STK33: variants seen among roughly 807,000 people sequenced by gnomAD.
STK33 encodes the protein serine/threonine-protein kinase 33.
A neutral mutation model predicts 58.0 loss-of-function variants in STK33; 52 were observed. The ratio of observed to expected loss-of-function variants is 0.90; its 90% CI spans 0.72 to 1.13. The LOEUF (loss-of-function observed/expected upper bound fraction) is 1.13. Ranked by LOEUF, STK33 falls within the 50% of genes most tolerant of loss-of-function variation. The probability of loss-of-function intolerance (pLI) is 0.00; values close to 1 mark genes in which losing one functional copy is unlikely to be tolerated. For synonymous variants in STK33, 215 were observed against 200.1 expected, an observed-to-expected ratio of 1.07 and a Z score of -0.63; for missense variants, 630 against 604.2, an observed-to-expected ratio of 1.04 and a Z score of -0.45.
chr11:8,515,951 G>T (rs1952744516), intron 1 of STK33, among the ~76,000 whole-genome samples: 1 of 152,180 alleles, frequency 6.6e-6, no homozygotes, highest in African/African-American at 2.4e-5. Flanking sequence ...TATGTTCATG[G>T]ATTGGAATAA....
chr11:8,560,666 T>C (rs1170699284), intron 1 of STK33, among the ~76,000 whole-genome samples: 1 of 152,196 alleles, frequency 6.6e-6, no homozygotes, highest in Non-Finnish European at 1.5e-5. Flanking sequence ...CTGCCCATGT[T>C]TTTGCCTTAA....
chr11:8,464,964 G>A, intron 6 of STK33, 142 bp from the exon 7 acceptor site: 1 of 499,544 alleles, frequency 2.0e-6, no homozygotes, highest in Non-Finnish European at 3.5e-6. Context: ...CTATATATTT[G>A]CTTCAATATT....
the STK33 span, among the ~76,000 whole-genome samples, chr11:8,339,794 G>A: frequency 6.6e-6 from 1 of 152,216 alleles, no homozygotes; most frequent in Non-Finnish European, 1.5e-5. Context: ...TCCGCCTGGG[G>A]CAGGACACAG....
chr11:8,438,519 G>A (rs1443018581), intron 12 of STK33, among the ~76,000 whole-genome samples: 1 of 152,108 alleles, frequency 6.6e-6, no homozygotes, highest in African/African-American at 2.4e-5. Context: ...ACACCATTGG[G>A]CTCAGACAGA....
intron 11 of STK33, among the ~76,000 whole-genome samples, chr11:8,452,452 G>A (rs1030287616): frequency 6.6e-6 from 1 of 152,056 alleles, no homozygotes. Flanking sequence ...AATTGTTCAA[G>A]CTGTAATCCA....
intron 8 of STK33, among the ~76,000 whole-genome samples, chr11:8,458,126 A>G (rs907083687): frequency 6.6e-6 from 1 of 152,156 alleles, no homozygotes; most frequent in Non-Finnish European, 1.5e-5. Context: ...GATATTACCA[A>G]TTGTGCATTT....
At chr11:8,493,524 A>G (rs968895815) in intron 1 of STK33, among the ~76,000 whole-genome samples, 1 of 152,248 alleles carries the variant, frequency 6.6e-6, no homozygotes, top group Admixed American at 6.5e-5. Context: ...AGGTATGAAC[A>G]GGAGCTGGTA....
chr11:8,488,710 C>T (rs1265695557), intron 1 of STK33, among the ~76,000 whole-genome samples: 3 of 152,042 alleles, frequency 2.0e-5, no homozygotes, highest in African/African-American at 7.2e-5. Flanking sequence ...ACTACCACTA[C>T]AACCAGCAGC....
Position 8,457,495 on chromosome 11 carries a change from TAA to T in STK33, c.559-18_559-17del. Reference sequence around the variant, plus strand: ...GGTACATTTTCTGACATTATATATATAAAAGAGAGAGAGAGCAAATTATATAT... The same window carrying T: ...GGTACATTTTCTGACATTATATATATAAGAGAGAGAGAGCAAATTATATAT... On this transcript the variant is annotated splice_polypyrimidine_tract_variant and intron_variant, in intron 8 of 15. Transcript: ENST00000687296. 1 of 1,564,284 alleles carries T rather than the reference TAA, an allele frequency of 6.4e-7. No individual in the cohort carries two copies.
chr11:8,396,027 C>A (rs58650381), intron 15 of STK33, among the ~76,000 whole-genome samples: 29,344 of 152,092 alleles, frequency 0.19, 3,213 homozygotes, highest in African/African-American at 0.29. Flanking sequence ...CGCTGGCTAC[C>A]CCGAAACAAA....
chr11:8,499,909 A>G (rs1171049029), intron 1 of STK33, among the ~76,000 whole-genome samples: 3 of 151,656 alleles, frequency 2.0e-5, no homozygotes, highest in African/African-American at 7.3e-5. Flanking sequence ...ATCACACACC[A>G]GGGCCTGTCG....
At chr11:8,486,186 A>C (rs1950181899) in intron 1 of STK33, among the ~76,000 whole-genome samples, 1 of 152,164 alleles carries the variant, frequency 6.6e-6, no homozygotes, top group African/African-American at 2.4e-5. Flanking sequence ...AAATCTGATC[A>C]TATTTCTTCC....
chr11:8,469,231 C>T (rs771743332), intron 6 of STK33, among the ~76,000 whole-genome samples: 2 of 152,218 alleles, frequency 1.3e-5, no homozygotes, highest in South Asian at 2.1e-4. Context: ...TTAGTCCTCT[C>T]AAACCCTGCC....
intron 15 of STK33, among the ~76,000 whole-genome samples, chr11:8,404,332 G>A (rs918911327): frequency 2.0e-5 from 3 of 152,172 alleles, no homozygotes; most frequent in Non-Finnish European, 4.4e-5. Context: ...GAAGTGTACA[G>A]TTTGATGAGT....
chr11:8,489,096 T>G (rs1312396435), intron 1 of STK33, among the ~76,000 whole-genome samples: 1 of 151,384 alleles, frequency 6.6e-6, no homozygotes, highest in Admixed American at 6.6e-5. Context: ...CTATCTCTAG[T>G]AATGTAAAGA....
chr11:8,577,421 G>C (rs1958267064), intron 1 of STK33, among the ~76,000 whole-genome samples: 1 of 152,094 alleles, frequency 6.6e-6, no homozygotes, highest in Non-Finnish European at 1.5e-5. Context: ...CAAAAGCCTA[G>C]ATGATTTTTC....
intron 1 of STK33, among the ~76,000 whole-genome samples, chr11:8,556,119 C>T (rs1956729443): frequency 6.6e-6 from 1 of 152,082 alleles, no homozygotes; most frequent in Admixed American, 6.5e-5. Flanking sequence ...AAGAGAGTAC[C>T]TCAGAAATAG....
intron 1 of STK33, among the ~76,000 whole-genome samples, chr11:8,481,702 C>T (rs1161810460): frequency 1.3e-5 from 2 of 152,154 alleles, no homozygotes; most frequent in East Asian, 3.9e-4. Context: ...AAATTTCCAC[C>T]TGATTCTGAA....
At chr11:8,406,142 C>CAAAAAAAA (rs59336494) in intron 15 of STK33, among the ~76,000 whole-genome samples, 3 of 94,686 alleles carry the variant, frequency 3.2e-5, no homozygotes, top group East Asian at 3.2e-4. Flanking sequence ...GACTCCGTCT[C>CAAAAAAAA]AAAAAAAAAA....
Sources: allele counts gnomAD v4.1 joint callset (sites outside exome capture counted in the v4.1 genomes callset), GRCh38; gene constraint gnomAD v4.1.1; transcripts MANE v1.5; gene names NCBI Gene and HGNC (gene_info 2026-07-23, HGNC 2026-07-21).